The following NEGR1 variants were observed in gnomAD, a reference collection of about 807,000 sequenced individuals.
The protein encoded by NEGR1 is neuronal growth regulator 1.
Under a neutral mutation model 40.9 loss-of-function variants are expected in NEGR1, and 10 were observed. The observed-to-expected ratio is 0.24, with a 90% confidence interval of 0.15 to 0.42. NEGR1 has a LOEUF of 0.42. Among genes scored for constraint, NEGR1 ranks in the 10% least tolerant of loss-of-function variants. The pLI, the probability that NEGR1 is intolerant of heterozygous loss-of-function variation, is 1.00. For missense variants in NEGR1, 352 were observed against 438.9 expected (o/e 0.80, Z 1.77); for synonymous variants, 185 against 166.8 (o/e 1.11, Z -0.84).
chr1:71,592,238 C>A (rs1649526047), intron 6 of NEGR1, among the ~76,000 whole-genome samples: 1 of 151,836 alleles, frequency 6.6e-6, no homozygotes, highest in Non-Finnish European at 1.5e-5. Context: ...ATTTTTAGTC[C>A]TTAGGAAGTA....
rs534715691 is a variant in NEGR1, at chr1:71,564,260, T to A, written c.940+28557A>T. Among the ~76,000 whole-genome samples, 17 of 152,152 alleles carry A rather than the reference T, an allele frequency of 1.1e-4. No homozygotes were observed. In the East Asian group the frequency reaches 2.5e-3, roughly 23 times the overall value. On this transcript the variant is annotated intron_variant, in intron 6 of 6. Coordinates refer to ENST00000357731, the MANE Select transcript of NEGR1 (RefSeq NM_173808.3). Reference sequence around the variant, plus strand: ...GCCCCTTGCTAGGGGAATGCACGTATGTTATTTTACATTATCATCACCACA... The same window carrying A: ...GCCCCTTGCTAGGGGAATGCACGTAAGTTATTTTACATTATCATCACCACA...
chr1:71,633,200 T>C (rs907980246), intron 4 of NEGR1, among the ~76,000 whole-genome samples: 2 of 152,110 alleles, frequency 1.3e-5, no homozygotes, highest in African/African-American at 4.8e-5. Flanking sequence ...ATTTCACTTA[T>C]GAGCTACACA....
chr1:71,671,889 CTCTCT>C (rs1219486409), intron 4 of NEGR1, among the ~76,000 whole-genome samples: 5 of 99,464 alleles, frequency 5.0e-5, no homozygotes, highest in Non-Finnish European at 1.1e-4. Flanking sequence ...TGTTCTCTCT[CTCTCT>C]TTTTTTTTTT....
intron 1 of NEGR1, among the ~76,000 whole-genome samples, chr1:72,176,822 G>A (rs7511985): frequency 0.073 from 11,082 of 151,954 alleles, 1,329 homozygotes; most frequent in African/African-American, 0.25. Context: ...ATCAATGCCC[G>A]GTTTTAATTA....
chr1:72,257,425 T>C (rs903819475), intron 1 of NEGR1, among the ~76,000 whole-genome samples: 6 of 151,984 alleles, frequency 3.9e-5, no homozygotes, highest in African/African-American at 9.7e-5. Context: ...ATTTACACTC[T>C]TCTTAGCAAA....
chr1:71,424,400 C>G (rs1458779815), intron 6 of NEGR1, among the ~76,000 whole-genome samples: 1 of 152,170 alleles, frequency 6.6e-6, no homozygotes, highest in Non-Finnish European at 1.5e-5. Context: ...CTCAGTGTCA[C>G]AGGAGATAAT....
At chr1:72,047,503 T>C (rs1905976) in intron 1 of NEGR1, among the ~76,000 whole-genome samples, 2 of 150,970 alleles carry the variant, frequency 1.3e-5, no homozygotes, top group East Asian at 3.9e-4. Context: ...AAGCTTAATA[T>C]GCATCAGATA....
chr1:72,255,711 C>G (rs1422754782), intron 1 of NEGR1, among the ~76,000 whole-genome samples: 2 of 151,990 alleles, frequency 1.3e-5, no homozygotes. Context: ...CCACCACACC[C>G]AGCAATTCTT....
intron 3 of NEGR1, among the ~76,000 whole-genome samples, chr1:71,709,853 G>A (rs959624041): frequency 5.9e-5 from 9 of 152,116 alleles, no homozygotes; most frequent in African/African-American, 1.4e-4. Flanking sequence ...CAACCAAAGC[G>A]AACATGGACA....
intron 6 of NEGR1, among the ~76,000 whole-genome samples, chr1:71,509,149 T>A (rs1322525216): frequency 1.3e-5 from 2 of 151,988 alleles, no homozygotes; most frequent in African/African-American, 4.8e-5. Context: ...TCAGGAAGAG[T>A]AACTGCTATG....
At chr1:71,551,369 G>A (rs967727383) in intron 6 of NEGR1, among the ~76,000 whole-genome samples, 2 of 151,484 alleles carry the variant, frequency 1.3e-5, no homozygotes, top group African/African-American at 2.4e-5. Context: ...TAAGTGTTTC[G>A]AAGGCATATT....
At chr1:71,437,573 C>A (rs974288333) in intron 6 of NEGR1, among the ~76,000 whole-genome samples, 6 of 152,006 alleles carry the variant, frequency 3.9e-5, no homozygotes, top group Non-Finnish European at 8.8e-5. Context: ...TGCTTGTATG[C>A]TAAATTTCTT....
At chr1:71,998,711 A>G (rs1289762619) in intron 1 of NEGR1, among the ~76,000 whole-genome samples, 12 of 151,370 alleles carry the variant, frequency 7.9e-5, no homozygotes, top group Non-Finnish European at 1.6e-4. Context: ...AGAGATATAA[A>G]TATATTCATA....
chr1:71,687,806 T>C (rs1410269398), intron 4 of NEGR1, among the ~76,000 whole-genome samples: 1 of 152,180 alleles, frequency 6.6e-6, no homozygotes, highest in African/African-American at 2.4e-5. Flanking sequence ...ATTAGGATCC[T>C]TTTTCAATTT....
At chr1:71,523,804 C>T (rs1647182181) in intron 6 of NEGR1, among the ~76,000 whole-genome samples, 1 of 151,850 alleles carries the variant, frequency 6.6e-6, no homozygotes, top group South Asian at 2.1e-4. Context: ...AAGCATGCAT[C>T]AGTTTAACAC....
chr1:71,937,255 T>TGTATTTAATAAAGAAAATAA (rs1350654532), intron 1 of NEGR1, among the ~76,000 whole-genome samples: 2 of 152,216 alleles, frequency 1.3e-5, no homozygotes. Flanking sequence ...AAAACCCCTT[T>TGTATTTAATAAAGAAAATAA]AATGATGTAA....
At chr1:71,451,889 A>G (rs1002606984) in intron 6 of NEGR1, among the ~76,000 whole-genome samples, 1 of 152,206 alleles carries the variant, frequency 6.6e-6, no homozygotes, top group Admixed American at 6.5e-5. Context: ...TTATTTTTGC[A>G]CATGTAATCT....
At chr1:71,771,527 CCT>C (rs1456941669) in intron 3 of NEGR1, among the ~76,000 whole-genome samples, 22 of 151,120 alleles carry the variant, frequency 1.5e-4, no homozygotes, top group African/African-American at 3.4e-4. Flanking sequence ...ATGGAGAAAC[CCT>C]CTCTCTACTA....
chr1:71,441,599 GCAT>G (rs1223507225), intron 6 of NEGR1, among the ~76,000 whole-genome samples: 3 of 152,194 alleles, frequency 2.0e-5, no homozygotes, highest in East Asian at 3.9e-4. Context: ...ACATGAGAAG[GCAT>G]CATCAAGGGT....
Sources: allele counts gnomAD v4.1 joint callset (sites outside exome capture counted in the v4.1 genomes callset), GRCh38; gene constraint gnomAD v4.1.1; transcripts MANE v1.5; gene names NCBI Gene and HGNC (gene_info 2026-07-23, HGNC 2026-07-21).